Variants in SPDL1 observed in about 807,000 individuals in gnomAD.
The protein encoded by SPDL1 is protein Spindly.
SPDL1 carries 85 observed loss-of-function variants against 79.5 expected under a neutral mutation model. The observed-to-expected ratio is 1.07, with a 90% confidence interval of 0.90 to 1.28. The LOEUF (loss-of-function observed/expected upper bound fraction) is 1.28. SPDL1 is among the 50% of genes most tolerant of loss of function. The pLI is 0.00. For synonymous variants in SPDL1, 269 were observed against 240.3 expected, an observed-to-expected ratio of 1.12 and a Z score of -1.10; for missense variants, 703 against 697.8, an observed-to-expected ratio of 1.01 and a Z score of -0.08.
At chr5:169,592,783 G>A (rs1755361664) in intron 3 of SPDL1, among the ~76,000 whole-genome samples, 1 of 147,364 alleles carries the variant, frequency 6.8e-6, no homozygotes. Context: ...CAGGACTGAG[G>A]TAAGGCTAAT....
At chr5:169,594,334 A>T in intron 5 of SPDL1, 40 bp downstream of exon 5, 1 of 1,612,590 alleles carries the variant, frequency 6.2e-7, no homozygotes, top group Non-Finnish European at 8.5e-7. Context: ...CCAATTTATC[A>T]TAACTTATTT....
rs766973580 is a variant in SPDL1, at chr5:169,588,409, A to G, written c.-8A>G. The G allele has an allele frequency of 3.1e-6, 5 of 1,591,074 alleles. No individual in the cohort carries two copies. The South Asian group carries it at 4.6e-5, about 15-fold the overall frequency. ...CTATTTACAGTTGGCTAAAAAAAAG[A>G]AAAGAACATGGAGGCAGATATAATC... On this transcript the variant is annotated 5_prime_UTR_variant, in exon 2 of 12. Coordinates refer to ENST00000265295, the MANE Select transcript of SPDL1 (RefSeq NM_017785.5).
intron 7 of SPDL1, chr5:169,595,994 C>T (rs973269794): frequency 6.6e-6 from 1 of 152,160 alleles, no homozygotes; most frequent in African/African-American, 2.4e-5. Context: ...CTGGTAGCTT[C>T]ACAACTCCAG....
At chr5:169,585,958 A>G (rs1471644273) in intron 1 of SPDL1, 1 of 152,240 alleles carries the variant, frequency 6.6e-6, no homozygotes, top group Non-Finnish European at 1.5e-5. Flanking sequence ...CAGGGACATC[A>G]CTAGCAATTC....
At chr5:169,603,048 C>G (rs1174764329) in intron 11 of SPDL1, among the ~76,000 whole-genome samples, 1 of 152,040 alleles carries the variant, frequency 6.6e-6, no homozygotes, top group Non-Finnish European at 1.5e-5. Flanking sequence ...ACTCAAGTAG[C>G]ACGTTGGAAA....
rs953296703 is a variant in SPDL1, at chr5:169,598,664, A to G, written c.1136+85A>G. 26 of 1,208,992 alleles carry G rather than the reference A, an allele frequency of 2.2e-5. No homozygotes were observed. The African/African-American group carries it at 3.8e-4, about 18-fold the overall frequency. 74.9% of individuals were successfully genotyped at this position (1,208,992 alleles called of 1,614,324 possible). ...TCAGTGACTACAAAGTTTTTTTGAA[A>G]TTGCCAAAGGAAATTTTCCGAAAAG... On this transcript the variant is annotated intron_variant, in intron 9 of 11. Coordinates refer to ENST00000265295, the MANE Select transcript of SPDL1 (RefSeq NM_017785.5).
Position 169,599,041 on chromosome 5 carries a change from G to T in SPDL1, c.1206G>T (p.Arg402=), listed in dbSNP as rs1021573762. 2 of 1,595,626 alleles carry T rather than the reference G, an allele frequency of 1.3e-6. No individual in the cohort carries two copies. The highest frequency in any genetic ancestry group is 2.7e-5 in the African/African-American group (2 of 74,590). The change falls in exon 10 of 12, where the codon CGG becomes CGT. Residue 402 remains arginine, a synonymous_variant. Coordinates refer to ENST00000265295, the MANE Select transcript of SPDL1 (RefSeq NM_017785.5). ...TGAAAGCATTATTTGAGAGCCAGCG[G>T]GCTCTAGATATTGAGCGAAAACTTT... ...QRMKALFESQ[R]ALDIERKLFA...
Position 169,593,464 on chromosome 5 carries a change from C to T in SPDL1, c.447C>T (p.Arg149=), listed in dbSNP as rs143291989. ...TCTCTTGTAAATCAGAGGAACTGCG[C>T]GTAATGTCTGAACGTGTGCAGGAAA... ...ELLSCKSEEL[R]VMSERVQESM... is the part of the protein sequence containing the mutation. The change falls in exon 4 of 12, where the codon CGC becomes CGT. Residue 149 remains arginine, a synonymous_variant. Coordinates refer to ENST00000265295, the MANE Select transcript of SPDL1 (RefSeq NM_017785.5). 1,150 of 1,614,008 alleles carry T rather than the reference C, an allele frequency of 7.1e-4. 9 individuals are homozygous for T. The African/African-American group carries it at 0.013, about 19-fold the overall frequency.
chr5:169,592,215 T>TG (rs1755326775), intron 3 of SPDL1, among the ~76,000 whole-genome samples: 1 of 52,422 alleles, frequency 1.9e-5, no homozygotes, highest in Non-Finnish European at 4.8e-5. Flanking sequence ...TTTTTTTTCC[T>TG]TTTTTTTTTT....
intron 2 of SPDL1, 59 bp from the exon 3 acceptor site, chr5:169,590,989 G>GT: frequency 2.2e-6 from 3 of 1,363,664 alleles, no homozygotes; most frequent in Non-Finnish European, 3.1e-6. Flanking sequence ...AAAACTGATT[G>GT]TATGTAATGG....
chr5:169,584,883 G>T lies in SPDL1; in HGVS notation c.-24+994G>T, dbSNP rs111355428. Among the ~76,000 whole-genome samples, 1,367 of 152,266 alleles carry T rather than the reference G, an allele frequency of 9.0e-3. 23 individuals carry two copies. The highest frequency in any genetic ancestry group is 0.029 in the African/African-American group (1,222 of 41,552). ...AAAGCGGCCGGGTGCGGTGGCTCAC[G>T]CCTGTAATCCCAGCTACTCGGGAGG... is the stretch of plus-strand genomic sequence containing the variant. On this transcript the variant is annotated intron_variant, in intron 1 of 11. Transcript: ENST00000265295.
In SPDL1 at chr5:169,588,406, A is replaced by T; in HGVS notation, c.-11A>T. 5.7e-6 allele frequency: 9 copies of T among 1,590,308 alleles called. No homozygotes were observed. Among genetic ancestry groups the T allele is most frequent in the Non-Finnish European group, 7.7e-6 (9 of 1,173,048 alleles). ...CCTCTATTTACAGTTGGCTAAAAAA[A>T]AGAAAAGAACATGGAGGCAGATATA... On this transcript the variant is annotated 5_prime_UTR_variant, in exon 2 of 12. Transcript: ENST00000265295.
Position 169,594,398 on chromosome 5 carries a change from C to T in SPDL1, c.686C>T (p.Ala229Val), listed in dbSNP as rs762794486. The T allele has an allele frequency of 2.4e-5, 39 of 1,613,864 alleles. No homozygotes were observed. The South Asian group carries it at 4.1e-4, about 17-fold the overall frequency. The change falls in exon 6 of 12, where the codon GCT (alanine) becomes GTT (valine). Residue 229 changes from alanine (A) to valine (V), a missense_variant. Transcript: ENST00000265295. ...ATTGTTTTCTTTTGAATTTAGAAAG[C>T]TCGTGTAGCAAATCAAGATCTTCAG... ...AVSYYNALEK[A>V]RVANQDLQVQ...
intron 3 of SPDL1, among the ~76,000 whole-genome samples, chr5:169,592,911 T>C (rs1451854874): frequency 6.6e-6 from 1 of 151,452 alleles, no homozygotes; most frequent in Non-Finnish European, 1.5e-5. Context: ...ATTTTTTTAA[T>C]ACCTTTTCTT....
chr5:169,593,281 A>G (rs992319272), intron 3 of SPDL1, 73 bp from the exon 4 acceptor site: 3 of 1,329,524 alleles, frequency 2.3e-6, no homozygotes, highest in Admixed American at 2.7e-5. Flanking sequence ...GTTTGGTTCA[A>G]TCAGTTCAAT....
chr5:169,585,338 A>G (rs976904824), intron 1 of SPDL1, among the ~76,000 whole-genome samples: 2 of 152,240 alleles, frequency 1.3e-5, no homozygotes, highest in African/African-American at 2.4e-5. Context: ...CTAGGATTCA[A>G]GAAGACAGGA....
At position 169,590,943 on chromosome 5, in the gene SPDL1, CAAATGCTTG is replaced by C. The variant is rs1755243762; in HGVS notation, c.160-100_160-92del. ...CATGTCTTCGTTATTTGGAAAGCAG[CAAATGCTTG>C]AAATAAGAATGAAACAATTGAAGTT... On this transcript the variant is annotated intron_variant, in intron 2 of 11. Coordinates refer to ENST00000265295, the MANE Select transcript of SPDL1 (RefSeq NM_017785.5). 3.0e-6 allele frequency: 3 copies of C among 1,001,372 alleles called. No individual in the cohort carries two copies. In the African/African-American group the frequency reaches 4.8e-5, roughly 16 times the overall value. The allele number at this position is 1,001,372 out of a possible 1,614,324, so 62.0% of individuals were successfully genotyped here.
Position 169,601,621 on chromosome 5 carries a change from C to A in SPDL1, c.1666C>A (p.Pro556Thr), listed in dbSNP as rs1231701084. Residue 556 changes from proline to threonine, a missense_variant, in exon 11 of 12, where the codon CCC becomes ACC. Transcript: ENST00000265295. ...AAGAAGTGGAAACACCCCTAACTCT[C>A]CCAGGTCAGTGTCCTCTTTTCCTCC... ...SERSGNTPNS[P>T]RLAAESKLQT... 6.2e-7 allele frequency: 1 copy of A among 1,613,700 alleles called. No individual in the cohort carries two copies. Among genetic ancestry groups the A allele is most frequent in the African/African-American group, 1.3e-5 (1 of 74,912 alleles).
At chr5:169,598,245 G>C (rs1755692232) in intron 8 of SPDL1, among the ~76,000 whole-genome samples, 2 of 152,252 alleles carry the variant, frequency 1.3e-5, no homozygotes, top group South Asian at 4.1e-4. Context: ...TTGGGTTCAG[G>C]TTCTCTCTTC....
Sources: allele counts gnomAD v4.1 joint callset (sites outside exome capture counted in the v4.1 genomes callset), GRCh38; gene constraint gnomAD v4.1.1; transcripts MANE v1.5; gene names NCBI Gene and HGNC (gene_info 2026-07-23, HGNC 2026-07-21).